Variants in CSMD1 observed in about 807,000 individuals in gnomAD.
CSMD1 encodes CUB and Sushi multiple domains 1.
CSMD1 carries 213 observed loss-of-function variants against 417.5 expected under a neutral mutation model. The ratio of observed to expected loss-of-function variants is 0.51; its 90% CI spans 0.46 to 0.57. The LOEUF (loss-of-function observed/expected upper bound fraction) is 0.57, where lower values mean the gene tolerates loss of function less well. Ranked by LOEUF, CSMD1 falls within the 20% of genes least tolerant of loss-of-function variation. The pLI is 0.00. For synonymous variants in CSMD1, 2,862 were observed against 1,736.8 expected, an observed-to-expected ratio of 1.65 and a Z score of -16.11; for missense variants, 6,923 against 4,529.7, an observed-to-expected ratio of 1.53 and a Z score of -15.17.
chr8:3,387,601 C>A lies in CSMD1; in HGVS notation c.2675G>T (p.Arg892Met). Residue 892 changes from arginine (R) to methionine (M), a missense_variant, in exon 18 of 70, where the codon AGG becomes ATG. Arg to Met is a moderately conservative substitution (Grantham distance 91). Transcript: ENST00000635120. ...GHRHGGDFGIRSTVTFSCDPG... is the reference protein window; with the variant it reads ...GHRHGGDFGIMSTVTFSCDPG... ...GTCACAGCTGAAAGTCACTGTGGAC[C>A]TGATGCCAAAGTCTCCACCGTGGCG... The A allele has an allele frequency of 6.2e-7, 1 of 1,601,704 alleles. No individual in the cohort carries two copies. The highest frequency in any genetic ancestry group is 8.5e-7 in the Non-Finnish European group (1 of 1,174,118).
intron 41 of CSMD1, among the ~76,000 whole-genome samples, chr8:3,125,719 G>A (rs979874268): frequency 1.3e-5 from 2 of 152,234 alleles, no homozygotes. Context: ...GCTCATGCCT[G>A]TAATCCCAGC....
intron 12 of CSMD1, among the ~76,000 whole-genome samples, chr8:3,423,015 A>C (rs1204881657): frequency 3.3e-5 from 5 of 152,326 alleles, no homozygotes; most frequent in East Asian, 3.9e-4. Context: ...ATTTTACAGG[A>C]GACACCTTCA....
At chr8:4,659,408 G>T (rs1243047634) in intron 1 of CSMD1, among the ~76,000 whole-genome samples, 1 of 152,102 alleles carries the variant, frequency 6.6e-6, no homozygotes, top group South Asian at 2.1e-4. Flanking sequence ...CAAAACAATA[G>T]AATCTACAAA....
chr8:3,416,551 C>T (rs1338532802), intron 12 of CSMD1, among the ~76,000 whole-genome samples: 2 of 152,238 alleles, frequency 1.3e-5, no homozygotes, highest in Middle Eastern at 3.4e-3. Flanking sequence ...CATAACTGTG[C>T]CGTCAGAAGC....
chr8:3,011,271 T>C (rs1408774525), intron 52 of CSMD1, among the ~76,000 whole-genome samples: 1 of 151,738 alleles, frequency 6.6e-6, no homozygotes, highest in African/African-American at 2.4e-5. Context: ...GTATAGGGAG[T>C]TTTCCTGACT....
At chr8:4,154,715 T>C (rs998168823) in intron 3 of CSMD1, among the ~76,000 whole-genome samples, 1 of 152,202 alleles carries the variant, frequency 6.6e-6, no homozygotes, top group Non-Finnish European at 1.5e-5. Flanking sequence ...AAAGAGATCA[T>C]GTTTGTAGAC....
At chr8:3,879,197 T>A (rs904282038) in intron 5 of CSMD1, among the ~76,000 whole-genome samples, 1 of 152,116 alleles carries the variant, frequency 6.6e-6, no homozygotes, top group Non-Finnish European at 1.5e-5. Context: ...CACTTCTCTT[T>A]GCCTAGAAAT....
At chr8:4,318,907 A>G (rs2128882788) in intron 3 of CSMD1, among the ~76,000 whole-genome samples, 1 of 152,314 alleles carries the variant, frequency 6.6e-6, no homozygotes, top group East Asian at 1.9e-4. Context: ...CTGAAACTTT[A>G]GTCAGAAGTG....
At chr8:3,794,563 G>C (rs1405178576) in intron 5 of CSMD1, among the ~76,000 whole-genome samples, 2 of 151,922 alleles carry the variant, frequency 1.3e-5, no homozygotes. Context: ...TGCCATCAAA[G>C]TGCTAGTAAC....
chr8:4,387,359 G>C (rs1215978764), intron 3 of CSMD1, among the ~76,000 whole-genome samples: 1 of 151,912 alleles, frequency 6.6e-6, no homozygotes, highest in Non-Finnish European at 1.5e-5. Flanking sequence ...ACTCAGAAGT[G>C]CAAATTTCTT....
chr8:3,422,079 C>T lies in CSMD1; in HGVS notation c.1562-12474G>A, dbSNP rs554525151. On this transcript the variant is annotated intron_variant, in intron 12 of 69. Coordinates refer to ENST00000635120, the MANE Select transcript of CSMD1 (RefSeq NM_033225.6). ...GATGTCCTAGCGTGGATTCTATCAT[C>T]TACACCTATCTACCCTTCCCATGAC... Among the ~76,000 whole-genome samples the T allele has an allele frequency of 7.2e-5, 11 of 152,318 alleles. No individual in the cohort carries two copies. The East Asian group carries it at 2.1e-3, about 29-fold the overall frequency.
intron 3 of CSMD1, among the ~76,000 whole-genome samples, chr8:4,340,169 CT>C (rs1047588263): frequency 1.3e-5 from 2 of 151,826 alleles, no homozygotes; most frequent in African/African-American, 2.4e-5. Context: ...TTCTTGATAC[CT>C]TTTTTTTCTG....
intron 1 of CSMD1, among the ~76,000 whole-genome samples, chr8:4,819,879 A>G (rs1220844624): frequency 6.6e-6 from 1 of 152,144 alleles, no homozygotes; most frequent in African/African-American, 2.4e-5. Context: ...GGGAAGAACT[A>G]TCTGCCCTGT....
At chr8:4,740,972 A>G (rs1331473453) in intron 1 of CSMD1, among the ~76,000 whole-genome samples, 1 of 152,222 alleles carries the variant, frequency 6.6e-6, no homozygotes, top group Non-Finnish European at 1.5e-5. Flanking sequence ...ATTATTTCTT[A>G]TAATAAAAAT....
At chr8:4,555,536 G>C (rs138299565) in intron 2 of CSMD1, among the ~76,000 whole-genome samples, 5 of 152,264 alleles carry the variant, frequency 3.3e-5, no homozygotes, top group East Asian at 1.9e-4. Context: ...CTGCATCCCA[G>C]TTCCTTTTTC....
At chr8:3,569,347 T>C (rs1040502555) in intron 10 of CSMD1, among the ~76,000 whole-genome samples, 1 of 152,204 alleles carries the variant, frequency 6.6e-6, no homozygotes, top group Non-Finnish European at 1.5e-5. Flanking sequence ...GAGTTTTACA[T>C]AAATACTTGC....
intron 57 of CSMD1, 52 bp from the exon 58 acceptor site, chr8:2,966,798 A>G (rs1804000573): frequency 1.9e-6 from 3 of 1,568,492 alleles, no homozygotes; most frequent in Admixed American, 3.5e-5. Flanking sequence ...CCAGCATGAA[A>G]ATGGCAAACA....
chr8:4,877,665 A>T (rs1214373944), intron 1 of CSMD1, among the ~76,000 whole-genome samples: 1 of 152,052 alleles, frequency 6.6e-6, no homozygotes, highest in Non-Finnish European at 1.5e-5. Flanking sequence ...AATAAACACA[A>T]ATTGAAACTA....
chr8:4,152,587 G>C (rs1223046473), intron 3 of CSMD1, among the ~76,000 whole-genome samples: 1 of 151,952 alleles, frequency 6.6e-6, no homozygotes, highest in Admixed American at 6.6e-5. Context: ...CTCCTTGGGA[G>C]GCTTAAGTGG....
Sources: allele counts gnomAD v4.1 joint callset (sites outside exome capture counted in the v4.1 genomes callset), GRCh38; gene constraint gnomAD v4.1.1; transcripts MANE v1.5; gene names NCBI Gene and HGNC (gene_info 2026-07-23, HGNC 2026-07-21).